Variants in ASCC1 observed in about 807,000 individuals in gnomAD.
ASCC1 encodes activating signal cointegrator 1 complex subunit 1, also known as ASC-1 complex subunit P50.
ASCC1 carries 35 observed loss-of-function variants against 46.6 expected under a neutral mutation model. The ratio of observed to expected loss-of-function variants is 0.75; its 90% confidence interval spans 0.57 to 0.99. The LOEUF (loss-of-function observed/expected upper bound fraction) is 0.99. Among genes scored for constraint, ASCC1 ranks in the 50% least tolerant of loss-of-function variants. The pLI is 0.00. For synonymous variants in ASCC1, 143 were observed against 146.6 expected, an observed-to-expected ratio of 0.98 and a Z score of 0.18; for missense variants, 376 against 428.7, an observed-to-expected ratio of 0.88 and a Z score of 1.09.
chr10:72,184,322 C>T (rs999287408), intron 5 of ASCC1, among the ~76,000 whole-genome samples: 16 of 151,216 alleles, frequency 1.1e-4, no homozygotes, highest in South Asian at 2.1e-4. Flanking sequence ...TTACATTAAA[C>T]GTAAATGTTC....
chr10:72,174,755 C>G (rs1360740028), intron 5 of ASCC1, among the ~76,000 whole-genome samples: 2 of 152,208 alleles, frequency 1.3e-5, no homozygotes, highest in Non-Finnish European at 2.9e-5. Context: ...GGTTCTAATT[C>G]TAACTTTGTC....
At chr10:72,130,445 A>G (rs1845455696) in intron 8 of ASCC1, among the ~76,000 whole-genome samples, 1 of 152,210 alleles carries the variant, frequency 6.6e-6, no homozygotes, top group Non-Finnish European at 1.5e-5. Flanking sequence ...GGATAACTAG[A>G]CTGTAAACAC....
chr10:72,212,777 G>A (rs1041755282), intron 2 of ASCC1, among the ~76,000 whole-genome samples: 6 of 152,090 alleles, frequency 3.9e-5, no homozygotes, highest in Non-Finnish European at 7.3e-5. Context: ...GAACCTGGGA[G>A]GCGGAGGCTG....
intron 9 of ASCC1, among the ~76,000 whole-genome samples, chr10:72,110,683 A>G (rs1842830363): frequency 6.6e-6 from 1 of 152,112 alleles, no homozygotes; most frequent in Non-Finnish European, 1.5e-5. Flanking sequence ...GCTACTCAGG[A>G]GGCTGAGGCA....
chr10:72,125,625 G>C (rs751269878), intron 9 of ASCC1, among the ~76,000 whole-genome samples: 6 of 152,162 alleles, frequency 3.9e-5, no homozygotes, highest in African/African-American at 1.4e-4. Context: ...TTGGGGGTGG[G>C]AGGTAACTGT....
At chr10:72,105,943 G>T (rs1842295914) in intron 9 of ASCC1, among the ~76,000 whole-genome samples, 1 of 152,062 alleles carries the variant, frequency 6.6e-6, no homozygotes, top group Admixed American at 6.5e-5. Context: ...GTGGAGAGGG[G>T]CCTTTTCTTA....
chr10:72,204,279 C>A, intron 3 of ASCC1: 1 of 954,412 alleles, frequency 1.0e-6, no homozygotes, highest in Non-Finnish European at 1.5e-6. Flanking sequence ...CAATTTTTTT[C>A]AATAGAAAAA....
chr10:72,209,715 C>T (rs1200511825), intron 3 of ASCC1, among the ~76,000 whole-genome samples: 3 of 151,808 alleles, frequency 2.0e-5, no homozygotes, highest in Non-Finnish European at 2.9e-5. Context: ...ACCCTGAGGG[C>T]GGAGGTTGCA....
At position 72,196,784 on chromosome 10, in the gene ASCC1, T is replaced by TA. The variant is rs775639631; in HGVS notation, c.489+26dup. On this transcript the variant is annotated intron_variant, in intron 5 of 9. Transcript: ENST00000672957. ...TTCTTTTTATATTTAACTTTTTTTT[T>TA]AACCTTCTTGCTTTGTTTGCACTTA... 5.6e-6 allele frequency: 9 copies of TA among 1,600,522 alleles called. No homozygotes were observed. In the African/African-American group the frequency reaches 1.1e-4, roughly 19 times the overall value.
intron 5 of ASCC1, among the ~76,000 whole-genome samples, 199 bp from the exon 6 acceptor site, chr10:72,161,873 T>C (rs947389925): frequency 1.3e-5 from 2 of 152,138 alleles, no homozygotes; most frequent in Non-Finnish European, 2.9e-5. Context: ...AGAATAAAGA[T>C]AGACTACTAC....
At chr10:72,124,723 CT>C (rs34682603) in intron 9 of ASCC1, among the ~76,000 whole-genome samples, 2,421 of 118,604 alleles carry the variant, frequency 0.02, 12 homozygotes, top group African/African-American at 0.042. Flanking sequence ...CAAACAACAT[CT>C]TTTTTTTTTT....
rs142672810 is a variant in ASCC1, at chr10:72,195,139, G to GTTTTT, written c.489+1667_489+1671dup. Among the ~76,000 whole-genome samples the GTTTTT allele has an allele frequency of 1.7e-3, 106 of 61,030 alleles. 1 individual carries two copies. Among genetic ancestry groups the GTTTTT allele is most frequent in the Non-Finnish European group, 1.8e-3 (61 of 34,310 alleles). The allele number at this position is 61,030 out of a possible 152,430, so 40.0% of individuals were successfully genotyped here. A position where few individuals can be genotyped will look rare whatever the true frequency, so the allele number is the denominator to read the frequency against. On this transcript the variant is annotated intron_variant, in intron 5 of 9. Coordinates refer to ENST00000672957, the MANE Select transcript of ASCC1 (RefSeq NM_001198800.3). Reference sequence around the variant, plus strand: ...TTAGGTTTTGTGTGTTTTTTGCTGTGTTTTTTTTTTTTTTTTTTTTTTTTT... The same window carrying GTTTTT: ...TTAGGTTTTGTGTGTTTTTTGCTGTGTTTTTTTTTTTTTTTTTTTTTTTTTTTTTT...
chr10:72,154,041 C>T (rs77266543), intron 6 of ASCC1, among the ~76,000 whole-genome samples: 4,298 of 152,198 alleles, frequency 0.028, 195 homozygotes, highest in African/African-American at 0.099. Context: ...TCTTTACAAG[C>T]AATCTGTCAA....
chr10:72,195,111 T>G (rs1269802218), intron 5 of ASCC1, among the ~76,000 whole-genome samples: 1 of 151,136 alleles, frequency 6.6e-6, no homozygotes, highest in Admixed American at 6.6e-5. Flanking sequence ...TTTTGTGGGT[T>G]TTTTAGGTTT....
At chr10:72,099,733 T>C (rs961652668) in intron 9 of ASCC1, among the ~76,000 whole-genome samples, 2 of 151,692 alleles carry the variant, frequency 1.3e-5, no homozygotes, top group Non-Finnish European at 2.9e-5. Context: ...GGGAGGAGAA[T>C]CGCTTGAACC....
chr10:72,193,300 G>T (rs1447938080), intron 5 of ASCC1, among the ~76,000 whole-genome samples: 1 of 152,130 alleles, frequency 6.6e-6, no homozygotes, highest in African/African-American at 2.4e-5. Context: ...ATATTACCCA[G>T]AAATAGTAAG....
At chr10:72,169,591 C>T (rs551452655) in intron 5 of ASCC1, among the ~76,000 whole-genome samples, 7 of 152,048 alleles carry the variant, frequency 4.6e-5, no homozygotes, top group Non-Finnish European at 8.8e-5. Flanking sequence ...TGGTCACCCA[C>T]AAGGGATGAA....
intron 4 of ASCC1, among the ~76,000 whole-genome samples, chr10:72,200,941 T>C (rs1856408188): frequency 6.6e-6 from 1 of 151,918 alleles, no homozygotes; most frequent in Non-Finnish European, 1.5e-5. Flanking sequence ...TCAGTAAAAG[T>C]AAAAATTCAG....
At position 72,113,223 on chromosome 10, in the gene ASCC1, C is replaced by T. The variant is rs185343203; in HGVS notation, c.957+14859G>A. On this transcript the variant is annotated intron_variant, in intron 9 of 9. Transcript: ENST00000672957. ...TGATTTTAAGAAAGGTAATGCTAAC[C>T]TCTTAATTTTTTTTCTATTTCTTGC... Among the ~76,000 whole-genome samples, 728 of 152,294 alleles carry T rather than the reference C, an allele frequency of 4.8e-3. 1 individual carries two copies. The highest frequency in any genetic ancestry group is 8.8e-3 in the Non-Finnish European group (597 of 68,022).
Sources: gnomAD v4.1 joint callset for allele counts (sites outside exome capture counted in the v4.1 genomes callset) on GRCh38, gnomAD v4.1.1 for gene constraint, MANE v1.5 for transcripts, NCBI Gene and HGNC (gene_info 2026-07-23, HGNC 2026-07-21) for gene names.